CELF4: variants seen among roughly 807,000 people sequenced by gnomAD.
CELF4 encodes the protein CUGBP Elav-like family member 4, also known as CUG-BP- and ETR-3-like factor 4.
In CELF4, 18 loss-of-function variants were observed where a neutral mutation model predicts 59.9. The ratio of observed to expected loss-of-function variants is 0.30; its 90% CI spans 0.21 to 0.45. The LOEUF is 0.45. CELF4 is among the 20% of genes least tolerant of loss of function. The probability of loss-of-function intolerance (pLI) is 1.00; values close to 1 mark genes in which losing one functional copy is unlikely to be tolerated. For synonymous variants in CELF4, 261 were observed against 267.1 expected, an observed-to-expected ratio of 0.98 and a Z score of 0.22; for missense variants, 456 against 689.0, an observed-to-expected ratio of 0.66 and a Z score of 3.79.
intron 2 of CELF4, among the ~76,000 whole-genome samples, chr18:37,476,645 C>A (rs17682756): frequency 0.23 from 34,735 of 152,184 alleles, 5,123 homozygotes; most frequent in East Asian, 0.44. Context: ...ACAACAAAGA[C>A]GTGTCCTTCT....
chr18:37,551,802 G>A (rs1044625481), intron 1 of CELF4, among the ~76,000 whole-genome samples: 16 of 152,174 alleles, frequency 1.1e-4, no homozygotes, highest in African/African-American at 3.6e-4. Flanking sequence ...GGCAGTTTCA[G>A]TGTGTATCAC....
At chr18:37,414,191 C>CATCTATCTATCTATCT (rs59869024) in intron 2 of CELF4, among the ~76,000 whole-genome samples, 4 of 148,202 alleles carry the variant, frequency 2.7e-5, no homozygotes, top group South Asian at 2.3e-4. Flanking sequence ...TCCATTCATT[C>CATCTATCTATCTATCT]ATCTATCTAT....
intron 3 of CELF4, among the ~76,000 whole-genome samples, chr18:37,289,851 G>A (rs2095203832): frequency 6.6e-6 from 1 of 152,314 alleles, no homozygotes; most frequent in East Asian, 1.9e-4. Flanking sequence ...GTATTACACA[G>A]CCCTGGAGTT....
At chr18:37,257,677 C>A (rs542889383) in intron 11 of CELF4, among the ~76,000 whole-genome samples, 2 of 152,170 alleles carry the variant, frequency 1.3e-5, no homozygotes, top group African/African-American at 4.8e-5. Flanking sequence ...CTCCACCACC[C>A]CCAAGCTGTG....
intron 1 of CELF4, among the ~76,000 whole-genome samples, chr18:37,535,103 G>C (rs1328102904): frequency 6.6e-6 from 1 of 152,186 alleles, no homozygotes; most frequent in Non-Finnish European, 1.5e-5. Context: ...TGTGGCCTCG[G>C]ATGGGAGGTG....
At chr18:37,399,369 T>C (rs2154580767) in intron 2 of CELF4, among the ~76,000 whole-genome samples, 1 of 152,222 alleles carries the variant, frequency 6.6e-6, no homozygotes, top group African/African-American at 2.4e-5. Flanking sequence ...TCCCCTTCTG[T>C]TTTTCCTCCT....
chr18:37,334,992 C>T (rs543678146), intron 2 of CELF4, among the ~76,000 whole-genome samples: 38 of 151,730 alleles, frequency 2.5e-4, no homozygotes, highest in Admixed American at 2.5e-3. Context: ...ATCACTCCCT[C>T]GCTCCCTCCC....
chr18:37,405,096 C>CCA (rs1009867237), intron 2 of CELF4, among the ~76,000 whole-genome samples: 2 of 152,252 alleles, frequency 1.3e-5, no homozygotes, highest in African/African-American at 4.8e-5. Flanking sequence ...GCCCCAACCC[C>CCA]CCCCGTGTCC....
intron 2 of CELF4, among the ~76,000 whole-genome samples, chr18:37,402,110 T>C (rs1208150039): frequency 6.6e-6 from 1 of 152,244 alleles, no homozygotes; most frequent in African/African-American, 2.4e-5. Flanking sequence ...ACTCTACCTC[T>C]GGGCTTCCTT....
At chr18:37,515,920 A>G (rs529735108) in intron 1 of CELF4, among the ~76,000 whole-genome samples, 2 of 152,296 alleles carry the variant, frequency 1.3e-5, no homozygotes, top group South Asian at 4.1e-4. Flanking sequence ...CGGTGAAAGC[A>G]GGACTTGCCT....
chr18:37,439,592 G>A (rs1228788295), intron 2 of CELF4, among the ~76,000 whole-genome samples: 2 of 152,082 alleles, frequency 1.3e-5, no homozygotes, highest in Non-Finnish European at 2.9e-5. Context: ...GGACCTTGGG[G>A]GCTAGGACCA....
intron 3 of CELF4, among the ~76,000 whole-genome samples, chr18:37,315,652 G>A (rs1235830665): frequency 6.6e-6 from 1 of 152,144 alleles, no homozygotes; most frequent in Admixed American, 6.5e-5. Flanking sequence ...ATGCACTCAT[G>A]GTCACTGACA....
Position 37,324,043 on chromosome 18 carries a change from C to A in CELF4, c.370-2162G>T, listed in dbSNP as rs529628490. Among the ~76,000 whole-genome samples, 5 of 152,164 alleles carry A rather than the reference C, an allele frequency of 3.3e-5. No homozygotes were observed. In the South Asian group the frequency reaches 1.0e-3, roughly 32 times the overall value. ...CAAATCAAGCATCTTTTCTGCCTGA[C>A]CCCCACCCCACAAAATCTGGCCCCA... On this transcript the variant is annotated intron_variant, in intron 2 of 12. Coordinates refer to ENST00000420428, the MANE Select transcript of CELF4 (RefSeq NM_020180.4).
intron 2 of CELF4, among the ~76,000 whole-genome samples, chr18:37,357,186 G>A (rs765593996): frequency 3.3e-5 from 5 of 152,206 alleles, no homozygotes; most frequent in African/African-American, 4.8e-5. Flanking sequence ...CTTGGAGCCC[G>A]CAGGCCTGTG....
At chr18:37,318,232 A>C (rs1254997142) in intron 3 of CELF4, among the ~76,000 whole-genome samples, 1 of 148,156 alleles carries the variant, frequency 6.7e-6, no homozygotes, top group East Asian at 2.0e-4. Context: ...CCCTCGCACC[A>C]CTGTGCCCCA....
chr18:37,457,318 G>A (rs746498157), intron 2 of CELF4, among the ~76,000 whole-genome samples: 2 of 152,072 alleles, frequency 1.3e-5, no homozygotes, highest in Non-Finnish European at 2.9e-5. Context: ...CCTCCTCAGA[G>A]TGGTCTCCCT....
At chr18:37,392,218 G>A (rs1039550271) in intron 2 of CELF4, among the ~76,000 whole-genome samples, 7 of 152,160 alleles carry the variant, frequency 4.6e-5, no homozygotes, top group Non-Finnish European at 7.4e-5. Context: ...GTGAGCTGGG[G>A]CTAGGACAGG....
chr18:37,514,749 C>T (rs2099948719), intron 1 of CELF4, among the ~76,000 whole-genome samples: 1 of 152,034 alleles, frequency 6.6e-6, no homozygotes, highest in Non-Finnish European at 1.5e-5. Context: ...ATTTTTCCCC[C>T]TCTCCTTTGA....
chr18:37,446,377 G>C (rs2099748279), intron 2 of CELF4, among the ~76,000 whole-genome samples: 1 of 152,156 alleles, frequency 6.6e-6, no homozygotes, highest in African/African-American at 2.4e-5. Context: ...CAGCCCCCCA[G>C]GGTCCTCAAC....
Sources: allele counts gnomAD v4.1 joint callset (sites outside exome capture counted in the v4.1 genomes callset), GRCh38; gene constraint gnomAD v4.1.1; transcripts MANE v1.5; gene names NCBI Gene and HGNC (gene_info 2026-07-23, HGNC 2026-07-21).